The following ABHD18 variants were observed in gnomAD, a reference collection of about 807,000 sequenced individuals.
ABHD18 encodes the protein cardiolipin-specific deacylase, mitochondrial.
ABHD18 carries 55 observed loss-of-function variants against 65.9 expected under a neutral mutation model. The ratio of observed to expected loss-of-function variants is 0.84; its 90% CI spans 0.67 to 1.05. The LOEUF (loss-of-function observed/expected upper bound fraction) is 1.05. ABHD18 is among the 50% of genes least tolerant of loss of function. ABHD18 has a pLI of 0.00. For synonymous variants in ABHD18, 181 were observed against 180.2 expected, an observed-to-expected ratio of 1.00 and a Z score of -0.04; for missense variants, 533 against 558.5, an observed-to-expected ratio of 0.95 and a Z score of 0.46.
rs185924746 is a variant in ABHD18, at chr4:127,983,844, G to A, written c.93-495G>A. 2.3e-3 allele frequency among the ~76,000 whole-genome samples: 345 copies of A among 151,938 alleles called. 1 individual carries two copies. Among genetic ancestry groups the A allele is most frequent in the African/African-American group, 6.8e-3 (283 of 41,460 alleles). On this transcript the variant is annotated intron_variant, in intron 2 of 12. Coordinates refer to ENST00000645843, the MANE Select transcript of ABHD18 (RefSeq NM_001358451.3). Reference sequence around the variant, plus strand: ...CGCGCTACTGCACACCAGCCAGTGCGAGACTCCGTCTCAAAAAAAATAAAA... The same window carrying A: ...CGCGCTACTGCACACCAGCCAGTGCAAGACTCCGTCTCAAAAAAAATAAAA...
intron 4 of ABHD18, among the ~76,000 whole-genome samples, chr4:127,991,414 G>A (rs1750899759): frequency 6.6e-6 from 1 of 152,052 alleles, no homozygotes; most frequent in African/African-American, 2.4e-5. Flanking sequence ...AGTAGAGACG[G>A]GGTTTCAACA....
At chr4:127,999,119 A>G (rs1472180443) in intron 4 of ABHD18, among the ~76,000 whole-genome samples, 2 of 152,018 alleles carry the variant, frequency 1.3e-5, no homozygotes, top group Admixed American at 1.3e-4. Context: ...CCACATTTCT[A>G]CTAAAAATAC....
At chr4:127,981,658 T>C (rs1749073244) in intron 1 of ABHD18, among the ~76,000 whole-genome samples, 1 of 152,190 alleles carries the variant, frequency 6.6e-6, no homozygotes, top group South Asian at 2.1e-4. Context: ...TGATAATTTA[T>C]AGGAATCTAG....
Position 128,021,136 on chromosome 4 carries a change from G to A in ABHD18, c.700-1G>A. 6.5e-7 allele frequency: 1 copy of A among 1,527,894 alleles called. No homozygotes were observed. The highest frequency in any genetic ancestry group is 8.9e-7 in the Non-Finnish European group (1 of 1,127,192). The allele number at this position is 1,527,894 out of a possible 1,614,324, so 94.6% of individuals were successfully genotyped here. ...GATCTTAATTTAGCTTATTATTTCA[G>A]GGTGTGTTGAGTAAATCAATTAATT... is the stretch of plus-strand genomic sequence containing the variant. On this transcript the variant is annotated splice_acceptor_variant, in intron 9 of 12. Transcript: ENST00000645843. LOFTEE classifies it high-confidence loss of function.
chr4:127,972,832 C>G (rs943305791), intron 1 of ABHD18, among the ~76,000 whole-genome samples: 1 of 151,886 alleles, frequency 6.6e-6, no homozygotes, highest in Admixed American at 6.6e-5. Context: ...ATAATTAAGA[C>G]GCATTTCAGA....
At chr4:128,032,551 G>A (rs931043597) in intron 12 of ABHD18, among the ~76,000 whole-genome samples, 8 of 152,030 alleles carry the variant, frequency 5.3e-5, no homozygotes, top group African/African-American at 1.9e-4. Flanking sequence ...TGGGCGTGGT[G>A]GGCACGCACC....
chr4:127,986,002 A>G (rs1230440447), intron 3 of ABHD18, among the ~76,000 whole-genome samples: 1 of 152,202 alleles, frequency 6.6e-6, no homozygotes, highest in Non-Finnish European at 1.5e-5. Flanking sequence ...CAACAGAGCT[A>G]GACTCCGTCT....
rs413343 is a variant in ABHD18, at chr4:128,027,824, G to A, written c.802-651G>A. Among the ~76,000 whole-genome samples the A allele has an allele frequency of 2.4e-3, 366 of 152,208 alleles. 1 individual carries two copies. Among genetic ancestry groups the A allele is most frequent in the Non-Finnish European group, 4.5e-3 (303 of 68,018 alleles). On this transcript the variant is annotated intron_variant, in intron 10 of 12. Transcript: ENST00000645843. The stretch of plus-strand genomic sequence containing the variant: ...TTTTGGAAGTTCAAAGGTTAAGGCA[G>A]ATCATGGATTTTAAAACTTTGGCTA...
At position 128,027,745 on chromosome 4, in the gene ABHD18, T is replaced by G. The variant is rs142269614; in HGVS notation, c.802-730T>G. 1.1e-3 allele frequency among the ~76,000 whole-genome samples: 173 copies of G among 152,258 alleles called. 2 individuals carry two copies. Among genetic ancestry groups the G allele is most frequent in the African/African-American group, 3.9e-3 (161 of 41,544 alleles). On this transcript the variant is annotated intron_variant, in intron 10 of 12. Coordinates refer to ENST00000645843, the MANE Select transcript of ABHD18 (RefSeq NM_001358451.3). Reference sequence around the variant, plus strand: ...GGTTAGTTCAACCAGAGAAAGGGATTTGGAGAAGCTGGTATCCTCCTGTGC... The same window carrying G: ...GGTTAGTTCAACCAGAGAAAGGGATGTGGAGAAGCTGGTATCCTCCTGTGC...
chr4:128,027,090 C>T (rs1757479559), intron 10 of ABHD18, among the ~76,000 whole-genome samples: 1 of 152,036 alleles, frequency 6.6e-6, no homozygotes, highest in Non-Finnish European at 1.5e-5. Context: ...GCCTACTGTA[C>T]CTTTTCTATG....
At chr4:127,991,116 G>A (rs1313355408) in intron 4 of ABHD18, among the ~76,000 whole-genome samples, 1 of 152,126 alleles carries the variant, frequency 6.6e-6, no homozygotes, top group Non-Finnish European at 1.5e-5. Context: ...CACCTGCCTC[G>A]CCTCCCAAAG....
intron 7 of ABHD18, among the ~76,000 whole-genome samples, chr4:128,013,374 C>T (rs915154654): frequency 6.6e-6 from 1 of 152,046 alleles, no homozygotes. Context: ...AATAATAGGA[C>T]TTGTGTATGA....
chr4:127,998,156 T>C (rs1287429202), intron 4 of ABHD18, among the ~76,000 whole-genome samples: 3 of 152,092 alleles, frequency 2.0e-5, no homozygotes, highest in Non-Finnish European at 4.4e-5. Flanking sequence ...CCCACAGTGC[T>C]GGGATTATAG....
intron 4 of ABHD18, among the ~76,000 whole-genome samples, chr4:128,006,467 T>G (rs1031188842): frequency 6.6e-6 from 1 of 152,176 alleles, no homozygotes; most frequent in Non-Finnish European, 1.5e-5. Flanking sequence ...AAATAATTCT[T>G]AAACCATTCT....
intron 10 of ABHD18, among the ~76,000 whole-genome samples, chr4:128,025,861 G>A (rs1166358625): frequency 1.3e-5 from 2 of 152,168 alleles, no homozygotes; most frequent in Non-Finnish European, 2.9e-5. Context: ...GTTTTTATAA[G>A]TTTAAGAGCA....
Position 127,984,339 on chromosome 4 carries a change from A to T in ABHD18, c.93A>T (p.Arg31Ser). ...CTTTTTGTCTTCTTTCCCATAATAG[A>T]CTCTTTGAATTCAGAAAGATGATTG... The part of the protein sequence containing the change: ...RGWGRPEDLK[R>S]LFEFRKMIGN... The change falls in exon 3 of 13, where the codon AGA becomes AGT. Residue 31 changes from arginine to serine, a missense_variant and splice_region_variant. Arg to Ser is a moderately radical substitution (Grantham distance 110). This residue lies in a region of ABHD18 where 309 missense variants were observed against 313.5 expected (regional missense o/e 0.99). Transcript: ENST00000645843. The T allele has an allele frequency of 1.3e-6, 2 of 1,545,596 alleles. No individual in the cohort carries two copies. Among genetic ancestry groups the T allele is most frequent in the Non-Finnish European group, 1.8e-6 (2 of 1,142,042 alleles).
At chr4:128,015,227 G>C (rs1459597671) in intron 7 of ABHD18, among the ~76,000 whole-genome samples, 1 of 152,118 alleles carries the variant, frequency 6.6e-6, no homozygotes, top group Non-Finnish European at 1.5e-5. Flanking sequence ...CCTGGGCAAT[G>C]AGAGTGAGAC....
intron 7 of ABHD18, among the ~76,000 whole-genome samples, chr4:128,013,332 G>T (rs1218240350): frequency 1.3e-5 from 2 of 152,134 alleles, no homozygotes; most frequent in African/African-American, 4.8e-5. Flanking sequence ...ATGGAGAGAA[G>T]TTTTCCTGAG....
chr4:128,008,959 T>C lies in ABHD18; in HGVS notation c.318T>C (p.Tyr106=). The C allele has an allele frequency of 6.2e-7, 1 of 1,611,348 alleles. No homozygotes were observed. The highest frequency in any genetic ancestry group is 2.2e-5 in the East Asian group (1 of 44,778). ...FIVPKEWNSK[Y]RPVCIHLAGT... The stretch of plus-strand genomic sequence containing the variant: ...TGCCTAAAGAATGGAACAGCAAATA[T>C]AGACCTGTATGCATTCATCTTGCTG... Residue 106 remains tyrosine, a synonymous_variant, in exon 5 of 13, where the codon TAT becomes TAC. Transcript: ENST00000645843.
Sources: allele counts gnomAD v4.1 joint callset (sites outside exome capture counted in the v4.1 genomes callset), GRCh38; gene constraint gnomAD v4.1.1; regional missense constraint gnomAD v4.1.1; transcripts MANE v1.5; gene names NCBI Gene and HGNC (gene_info 2026-07-23, HGNC 2026-07-21).